Variants in ABCA10 observed in about 807,000 individuals in gnomAD.
The protein encoded by ABCA10 is ATP binding cassette subfamily A member 10, also known as ATP-binding cassette sub-family A member 10.
In ABCA10, 169 loss-of-function variants were observed where a neutral mutation model predicts 187.5. The ratio of observed to expected loss-of-function variants is 0.90; its 90% confidence interval spans 0.80 to 1.02. The LOEUF is 1.02. ABCA10 is among the 50% of genes least tolerant of loss of function. The pLI is 0.00. For missense variants in ABCA10, 1,727 were observed against 1,812.4 expected, an observed-to-expected ratio of 0.95 and a Z score of 0.86; for synonymous variants, 574 against 601.8, an observed-to-expected ratio of 0.95 and a Z score of 0.68.
intron 9 of ABCA10, among the ~76,000 whole-genome samples, chr17:69,203,367 A>T (rs998441045): frequency 6.6e-6 from 1 of 152,236 alleles, no homozygotes; most frequent in Non-Finnish European, 1.5e-5. Context: ...ATCAAAAATC[A>T]AACTAATGTT....
At chr17:69,233,245 ACTGT>A (rs1282564700), upstream of ABCA10, 1 of 151,902 alleles carries the variant, frequency 6.6e-6, no homozygotes, top group Non-Finnish European at 1.5e-5. Flanking sequence ...AGCCTTCTTC[ACTGT>A]CTTTTCATTC....
In ABCA10 at chr17:69,148,683, T is replaced by G; in HGVS notation, c.*144A>C. 1 of 741,686 alleles carries G rather than the reference T, an allele frequency of 1.3e-6. No homozygotes were observed. The highest frequency in any genetic ancestry group is 2.1e-6 in the Non-Finnish European group (1 of 477,852). 45.9% of individuals were successfully genotyped at this position (741,686 alleles called of 1,614,324 possible). ...TTCCTTGTTTCCTTCATCCTAAATT[T>G]TTAAAAATGAAAACTGTAATCATTA... On this transcript the variant is annotated 3_prime_UTR_variant, in exon 39 of 39. Transcript: ENST00000690296.
chr17:69,179,547 A>G (rs1229920604), intron 22 of ABCA10, among the ~76,000 whole-genome samples: 4 of 152,110 alleles, frequency 2.6e-5, no homozygotes, highest in Non-Finnish European at 5.9e-5. Context: ...CTCCATTTCT[A>G]TTTACTCCAC....
rs200504645 is a variant in ABCA10, at chr17:69,174,658, G to C, written c.2997C>G (p.Tyr999Ter). The C allele has an allele frequency of 3.3e-5, 53 of 1,611,410 alleles. No individual in the cohort carries two copies. In the African/African-American group the frequency reaches 6.7e-4, roughly 20 times the overall value. Residue 999 changes from tyrosine to a stop codon, truncating the protein, a stop_gained, in exon 24 of 39, where the codon TAC (tyrosine) becomes TAG (stop). Coordinates refer to ENST00000690296, the MANE Select transcript of ABCA10 (RefSeq NM_001377321.1). LOFTEE classifies it high-confidence loss of function. The stretch of plus-strand genomic sequence containing the variant: ...GCTGGAATCCCAGAAATATGAAGTA[G>C]TAAATTAAATGTATTGAAAAGAGAA... The part of the protein sequence containing the change: ...FLILFSIHLI[Y>*]YFIFLGFQLS...
intron 26 of ABCA10, 117 bp from the exon 27 acceptor site, chr17:69,164,271 A>C: frequency 1.3e-6 from 1 of 772,994 alleles, no homozygotes. Context: ...GTATTCCATG[A>C]ATTGAGATGA....
intron 32 of ABCA10, 102 bp from the exon 33 acceptor site, chr17:69,153,648 T>A: frequency 6.7e-7 from 1 of 1,482,278 alleles, no homozygotes. Context: ...ATAGTAAATT[T>A]AAGCTTCCTT....
intron 9 of ABCA10, among the ~76,000 whole-genome samples, chr17:69,203,759 T>C (rs1381204437): frequency 6.6e-6 from 1 of 152,204 alleles, no homozygotes; most frequent in Non-Finnish European, 1.5e-5. Flanking sequence ...TTGGATTTTT[T>C]GTACAAACGA....
At chr17:69,191,892 C>A (rs534828937) in intron 16 of ABCA10, among the ~76,000 whole-genome samples, 2 of 152,250 alleles carry the variant, frequency 1.3e-5, no homozygotes, top group South Asian at 4.1e-4. Context: ...CTAAAATGTT[C>A]CCATGTGATA....
intron 15 of ABCA10, 98 bp downstream of exon 15, chr17:69,193,012 T>A: frequency 6.8e-7 from 1 of 1,477,416 alleles, no homozygotes; most frequent in Non-Finnish European, 9.0e-7. Flanking sequence ...GCAAATAAAC[T>A]GCAAACAAGA....
rs114469639 is a variant in ABCA10 at position 69,204,376 on chromosome 17, T to C, written c.1007-2708A>G. On this transcript the variant is annotated intron_variant, in intron 9 of 38. Transcript: ENST00000690296. The stretch of plus-strand genomic sequence containing the variant: ...ATTAAAATGTGTTGCTGGGCATACA[T>C]GCTGTTGACAATATGGCTGTGGACA... Among the ~76,000 whole-genome samples, 265 of 152,330 alleles carry C rather than the reference T, an allele frequency of 1.7e-3. 2 individuals are homozygous for C. The highest frequency in any genetic ancestry group is 6.2e-3 in the African/African-American group (257 of 41,578).
intron 22 of ABCA10, among the ~76,000 whole-genome samples, chr17:69,179,935 G>A (rs558481466): frequency 3.9e-5 from 6 of 152,234 alleles, no homozygotes; most frequent in East Asian, 1.9e-4. Context: ...TGAAAAATCC[G>A]AAAGCCCTTT....
intron 19 of ABCA10, 51 bp from the exon 20 acceptor site, chr17:69,185,694 A>G (rs751643393): frequency 2.6e-5 from 37 of 1,440,986 alleles, no homozygotes; most frequent in Non-Finnish European, 3.4e-5. Flanking sequence ...TCCTCTGGTT[A>G]TTTAAGTCAC....
intron 27 of ABCA10, among the ~76,000 whole-genome samples, chr17:69,158,610 T>G (rs1304622973): frequency 3.3e-5 from 5 of 152,084 alleles, no homozygotes; most frequent in Middle Eastern, 3.4e-3. Flanking sequence ...TATTTTCAAC[T>G]CACAAATACT....
In ABCA10 at chr17:69,225,384, GGT is replaced by G; in HGVS notation, c.-28_-27del. ...TATCCTTTGTGTTATGTTACTGACT[GGT>G]GTATATGCCACTACCAGGCCAGAGT... On this transcript the variant is annotated 5_prime_UTR_variant, in exon 3 of 39. Coordinates refer to ENST00000690296, the MANE Select transcript of ABCA10 (RefSeq NM_001377321.1). 6.2e-7 allele frequency: 1 copy of G among 1,612,126 alleles called. No individual in the cohort carries two copies. Among genetic ancestry groups the G allele is most frequent in the East Asian group, 2.2e-5 (1 of 44,826 alleles).
At chr17:69,230,279 TG>T (rs1240344733), upstream of ABCA10, among the ~76,000 whole-genome samples, 1 of 152,138 alleles carries the variant, frequency 6.6e-6, no homozygotes, top group African/African-American at 2.4e-5. Context: ...CCCAGTCTGC[TG>T]GGTACAACTA....
intron 22 of ABCA10, among the ~76,000 whole-genome samples, chr17:69,176,049 G>A (rs995938443): frequency 2.2e-4 from 34 of 152,144 alleles, no homozygotes; most frequent in African/African-American, 8.2e-4. Context: ...AAAGGTAACT[G>A]AAACATCAGA....
Position 69,222,514 on chromosome 17 carries a change from T to G in ABCA10, c.199+19A>C, listed in dbSNP as rs373255059. Reference sequence around the variant, plus strand: ...ATGAAGTATCAAAAAAAAATTATAATCAGTTTTTTTATAGTTACCTGTGTA... The same window carrying G: ...ATGAAGTATCAAAAAAAAATTATAAGCAGTTTTTTTATAGTTACCTGTGTA... On this transcript the variant is annotated intron_variant, in intron 4 of 38. Transcript: ENST00000690296. 9.0e-5 allele frequency: 135 copies of G among 1,506,656 alleles called. No homozygotes were observed. Among genetic ancestry groups the G allele is most frequent in the Non-Finnish European group, 1.1e-4 (129 of 1,134,402 alleles). The allele number at this position is 1,506,656 out of a possible 1,614,324, so 93.3% of individuals were successfully genotyped here.
At chr17:69,162,612 T>C (rs911520530) in intron 27 of ABCA10, among the ~76,000 whole-genome samples, 5 of 152,134 alleles carry the variant, frequency 3.3e-5, no homozygotes, top group Admixed American at 2.6e-4. Flanking sequence ...TGGCTCCTTC[T>C]GAATTCTTTT....
At chr17:69,210,829 TGCCACATATTTATGCCAC>T (rs1171150658) in intron 9 of ABCA10, among the ~76,000 whole-genome samples, 1 of 122,466 alleles carries the variant, frequency 8.2e-6, no homozygotes, top group African/African-American at 3.9e-5. Context: ...TATATATATA[TGCCACATATTTATGCCAC>T]ATATATATAT....
Sources: allele counts gnomAD v4.1 joint callset (sites outside exome capture counted in the v4.1 genomes callset), GRCh38; gene constraint gnomAD v4.1.1; transcripts MANE v1.5; gene names NCBI Gene and HGNC (gene_info 2026-07-23, HGNC 2026-07-21).